Variants in CIROZ observed in about 807,000 individuals in gnomAD.
CIROZ encodes the protein ciliated left-right organizer ZP-N domains-containing protein.
At chr1:10,954,778 C>A in the CIROZ span, among the ~76,000 whole-genome samples, 1 of 152,164 alleles carries the variant, frequency 6.6e-6, no homozygotes, top group Non-Finnish European at 1.5e-5. Flanking sequence ...TTTTTTGTAG[C>A]AATGAGGTCT....
At chr1:10,948,070 C>T in the CIROZ span, 5,607 of 1,613,388 alleles carry the variant, frequency 3.5e-3, 171 homozygotes, top group African/African-American at 0.065. Context: ...CTGGGCATCC[C>T]GGTGAGTTCA....
chr1:10,957,569 C>T, the CIROZ span: 4 of 1,607,264 alleles, frequency 2.5e-6, no homozygotes, highest in African/African-American at 5.3e-5. Flanking sequence ...GGTGCTATGC[C>T]CCAGAGGCCC....
At chr1:10,954,460 AAAAAAAAG>A in the CIROZ span, among the ~76,000 whole-genome samples, 428 of 132,352 alleles carry the variant, frequency 3.2e-3, 1 homozygote, top group African/African-American at 0.011. Context: ...TCTCAAAAAA[AAAAAAAAG>A]AAAAGAAAAG....
At chr1:10,949,636 G>A in the CIROZ span, 139 of 1,603,612 alleles carry the variant, frequency 8.7e-5, 1 homozygote, top group East Asian at 1.6e-4. Flanking sequence ...TGGCCAGTGC[G>A]TCGGAAGGCC....
chr1:10,963,876 C>T, the CIROZ span, among the ~76,000 whole-genome samples: 19 of 152,136 alleles, frequency 1.2e-4, no homozygotes, highest in Non-Finnish European at 2.6e-4. Context: ...ATCCAGAACC[C>T]GAGGTCAGAG....
At chr1:10,956,619 GC>G in the CIROZ span, among the ~76,000 whole-genome samples, 8 of 152,008 alleles carry the variant, frequency 5.3e-5, no homozygotes, top group Admixed American at 2.0e-4. Flanking sequence ...AGGACTACAG[GC>G]CCCCGCCACC....
the CIROZ span, among the ~76,000 whole-genome samples, chr1:10,962,172 G>C: frequency 3.3e-5 from 5 of 152,046 alleles, no homozygotes; most frequent in Non-Finnish European, 7.4e-5. Flanking sequence ...TTGACCGGGC[G>C]TGGTGGCTCA....
the CIROZ span, among the ~76,000 whole-genome samples, chr1:10,975,274 C>CG: frequency 3.9e-5 from 6 of 152,046 alleles, no homozygotes; most frequent in African/African-American, 1.4e-4. Context: ...GGCGTGGTGG[C>CG]TCATGCCTAT....
chr1:10,954,673 T>A, the CIROZ span, among the ~76,000 whole-genome samples: 1 of 152,198 alleles, frequency 6.6e-6, no homozygotes, highest in Non-Finnish European at 1.5e-5. Context: ...AGGGTCTCAC[T>A]CCCATTGCCT....
the CIROZ span, among the ~76,000 whole-genome samples, chr1:10,955,706 T>A: frequency 1.3e-5 from 2 of 151,746 alleles, no homozygotes; most frequent in African/African-American, 4.8e-5. Flanking sequence ...TAGCCAGGCG[T>A]GGTGGCGGGT....
the CIROZ span, chr1:10,966,624 T>A: frequency 9.9e-7 from 1 of 1,006,650 alleles, no homozygotes; most frequent in African/African-American, 1.6e-5. Context: ...GCAGTAATTT[T>A]TAAAAGTCTG....
At chr1:10,950,051 T>TC in the CIROZ span, among the ~76,000 whole-genome samples, 1 of 148,958 alleles carries the variant, frequency 6.7e-6, no homozygotes, top group East Asian at 2.0e-4. Flanking sequence ...TTTTTTTTTT[T>TC]TGAGATGGAG....
At chr1:10,957,225 G>C in the CIROZ span, 2 of 758,312 alleles carry the variant, frequency 2.6e-6, no homozygotes, top group African/African-American at 3.6e-5. Flanking sequence ...AAAGCCCCAA[G>C]TGTTACAAAG....
the CIROZ span, chr1:10,949,289 C>T: frequency 5.6e-6 from 2 of 355,004 alleles, no homozygotes; most frequent in Non-Finnish European, 1.0e-5. Flanking sequence ...CTCTGGTGTG[C>T]CTCAGTTTCC....
At chr1:10,951,730 T>TAAAAA in the CIROZ span, among the ~76,000 whole-genome samples, 9 of 125,380 alleles carry the variant, frequency 7.2e-5, no homozygotes, top group African/African-American at 2.0e-4. Context: ...GTCTCTTATT[T>TAAAAA]AAAAAAAAAA....
the CIROZ span, chr1:10,948,965 CTG>C: frequency 1.0e-6 from 1 of 979,400 alleles, no homozygotes; most frequent in African/African-American, 1.6e-5. Context: ...TGGCTCACGA[CTG>C]TAATCCCAAC....
At chr1:10,964,540 A>C in the CIROZ span, among the ~76,000 whole-genome samples, 1 of 152,234 alleles carries the variant, frequency 6.6e-6, no homozygotes, top group Non-Finnish European at 1.5e-5. Context: ...GTCAGACAGA[A>C]TAAGAGCTTG....
At chr1:10,950,003 T>C in the CIROZ span, among the ~76,000 whole-genome samples, 25 of 151,944 alleles carry the variant, frequency 1.6e-4, no homozygotes, top group African/African-American at 5.8e-4. Context: ...TTGGAGTCCT[T>C]TTTGAGACTA....
the CIROZ span, among the ~76,000 whole-genome samples, chr1:10,979,110 G>T: frequency 1.8e-3 from 272 of 152,228 alleles, 1 homozygote; most frequent in African/African-American, 6.3e-3. Flanking sequence ...TCGTGCCTCA[G>T]CCTCCTGAGT....
Sources: allele counts gnomAD v4.1 joint callset (sites outside exome capture counted in the v4.1 genomes callset), GRCh38; gene constraint gnomAD v4.1.1; transcripts MANE v1.5; gene names NCBI Gene and HGNC (gene_info 2026-07-23, HGNC 2026-07-21).